Variants in TRPM3 observed in about 807,000 individuals in gnomAD.
The protein encoded by TRPM3 is transient receptor potential cation channel subfamily M member 3, also known as long transient receptor potential channel 3.
TRPM3 carries 77 observed loss-of-function variants against 181.2 expected under a neutral mutation model. That is an observed-to-expected ratio of 0.42 (90% CI 0.35 to 0.51). The LOEUF (loss-of-function observed/expected upper bound fraction) is 0.51. TRPM3 is among the 20% of genes least tolerant of loss of function. TRPM3 has a pLI of 0.01. For synonymous variants in TRPM3, 745 were observed against 796.4 expected (o/e 0.94, Z 1.09); for missense variants, 1,759 against 2,196.7 (o/e 0.80, Z 3.98).
intron 1 of TRPM3, among the ~76,000 whole-genome samples, chr9:71,331,801 GA>G (rs2090159146): frequency 7.4e-5 from 1 of 13,602 alleles, no homozygotes; most frequent in African/African-American, 2.1e-4. Context: ...GGAGAGGGAG[GA>G]GAAAGACGAG....
At chr9:70,593,918 TTATAATG>T (rs1202056345) in intron 21 of TRPM3, among the ~76,000 whole-genome samples, 9 of 147,248 alleles carry the variant, frequency 6.1e-5, no homozygotes, top group African/African-American at 1.5e-4. Context: ...ATAATATACA[TTATAATG>T]TATAATGTAT....
chr9:71,275,674 G>A (rs2132156384), intron 1 of TRPM3, among the ~76,000 whole-genome samples: 1 of 152,180 alleles, frequency 6.6e-6, no homozygotes, highest in Non-Finnish European at 1.5e-5. Flanking sequence ...CAATTATAAA[G>A]CCATATTATT....
chr9:70,802,364 A>G (rs1165287355), intron 6 of TRPM3, among the ~76,000 whole-genome samples: 2 of 152,088 alleles, frequency 1.3e-5, no homozygotes, highest in Non-Finnish European at 2.9e-5. Flanking sequence ...TAACTACTCA[A>G]CTCTGTGGTT....
rs541176551 is a variant in TRPM3 at position 71,317,122 on chromosome 9, A to G, written c.183+129531T>C. Among the ~76,000 whole-genome samples, 12 of 152,212 alleles carry G rather than the reference A, an allele frequency of 7.9e-5. No individual in the cohort carries two copies. In the East Asian group the frequency reaches 2.3e-3, roughly 29 times the overall value. On this transcript the variant is annotated intron_variant, in intron 1 of 24. Transcript: ENST00000357533. Reference sequence around the variant, plus strand: ...GTATTACAACCAGAATGTACTTCTTACCTGTCTTGCTACATTCACATTGTG... The same window carrying G: ...GTATTACAACCAGAATGTACTTCTTGCCTGTCTTGCTACATTCACATTGTG...
At chr9:70,690,914 C>T (rs972523842) in intron 8 of TRPM3, among the ~76,000 whole-genome samples, 6 of 152,030 alleles carry the variant, frequency 3.9e-5, no homozygotes, top group South Asian at 4.2e-4. Flanking sequence ...TATTCGTATT[C>T]GATTTTCAGT....
chr9:70,695,002 A>T (rs569710431), intron 8 of TRPM3, among the ~76,000 whole-genome samples: 2 of 152,306 alleles, frequency 1.3e-5, no homozygotes, highest in South Asian at 4.1e-4. Flanking sequence ...CGTTATTCCT[A>T]GGCTGATAAT....
chr9:71,291,442 C>T (rs2085801619), intron 1 of TRPM3, among the ~76,000 whole-genome samples: 2 of 152,080 alleles, frequency 1.3e-5, no homozygotes, highest in African/African-American at 2.4e-5. Flanking sequence ...TTAGACATTG[C>T]CTGATTCATG....
chr9:70,981,176 G>A (rs1271677414), intron 1 of TRPM3, among the ~76,000 whole-genome samples: 2 of 152,156 alleles, frequency 1.3e-5, no homozygotes, highest in Non-Finnish European at 2.9e-5. Flanking sequence ...ATGTGATTTG[G>A]TCCAGAGCTT....
At chr9:71,009,138 C>G (rs2097709483) in intron 1 of TRPM3, among the ~76,000 whole-genome samples, 1 of 152,146 alleles carries the variant, frequency 6.6e-6, no homozygotes, top group Admixed American at 6.5e-5. Flanking sequence ...TTGAAAGCTT[C>G]TTCTCTATGA....
chr9:71,098,781 C>T (rs1330826192), intron 1 of TRPM3, among the ~76,000 whole-genome samples: 1 of 152,148 alleles, frequency 6.6e-6, no homozygotes, highest in Admixed American at 6.6e-5. Context: ...TCCTCCCCCT[C>T]AAGTGTTCTC....
At chr9:71,374,906 T>G in intron 1 of TRPM3, among the ~76,000 whole-genome samples, 1 of 152,028 alleles carries the variant, frequency 6.6e-6, no homozygotes, top group Admixed American at 6.6e-5. Flanking sequence ...AAGGACCTCT[T>G]CAAGAACTCC....
chr9:70,691,095 G>C (rs1052577210), intron 8 of TRPM3, among the ~76,000 whole-genome samples: 6 of 152,214 alleles, frequency 3.9e-5, no homozygotes, highest in Non-Finnish European at 7.3e-5. Flanking sequence ...TCAGTGGAAA[G>C]TGAAATGCAA....
At chr9:70,666,212 GAA>G (rs1338821432) in intron 9 of TRPM3, among the ~76,000 whole-genome samples, 1 of 152,240 alleles carries the variant, frequency 6.6e-6, no homozygotes. Flanking sequence ...GTTCCAGGCA[GAA>G]GCCTTAGCAA....
chr9:70,790,964 G>A (rs2085242911), intron 6 of TRPM3, among the ~76,000 whole-genome samples: 1 of 152,130 alleles, frequency 6.6e-6, no homozygotes, highest in Non-Finnish European at 1.5e-5. Context: ...AGCAGAGTGA[G>A]CCCAAGAAAA....
intron 20 of TRPM3, among the ~76,000 whole-genome samples, chr9:70,601,244 C>T (rs1183406838): frequency 2.0e-5 from 3 of 152,154 alleles, no homozygotes; most frequent in Admixed American, 1.3e-4. Flanking sequence ...GATGAGATAA[C>T]GTCTACCCAC....
intron 25 of TRPM3, among the ~76,000 whole-genome samples, chr9:70,539,285 C>T (rs1411093560): frequency 6.6e-6 from 1 of 152,084 alleles, no homozygotes; most frequent in Non-Finnish European, 1.5e-5. Context: ...GCATGTGGAT[C>T]TCTGGGAGAC....
chr9:70,695,839 C>T (rs1471251565), intron 8 of TRPM3, among the ~76,000 whole-genome samples: 1 of 152,158 alleles, frequency 6.6e-6, no homozygotes, highest in Non-Finnish European at 1.5e-5. Context: ...GGTTAGATAC[C>T]ACATGGAGAA....
At chr9:70,799,536 C>G (rs537736930) in intron 6 of TRPM3, among the ~76,000 whole-genome samples, 6 of 152,180 alleles carry the variant, frequency 3.9e-5, no homozygotes, top group African/African-American at 1.4e-4. Flanking sequence ...GGAAAAGGAG[C>G]TCCCTCCTTG....
chr9:71,156,721 A>C (rs1321463895), intron 1 of TRPM3, among the ~76,000 whole-genome samples: 2 of 152,090 alleles, frequency 1.3e-5, no homozygotes, highest in African/African-American at 2.4e-5. Flanking sequence ...ACATTCTTTA[A>C]GGTTCTTAAG....
Sources: gnomAD v4.1 joint callset for allele counts (sites outside exome capture counted in the v4.1 genomes callset) on GRCh38, gnomAD v4.1.1 for gene constraint, MANE v1.5 for transcripts, NCBI Gene and HGNC (gene_info 2026-07-23, HGNC 2026-07-21) for gene names.